STX6: variants seen among roughly 807,000 people sequenced by gnomAD.
The protein encoded by STX6 is syntaxin-6.
A neutral mutation model predicts 38.0 loss-of-function variants in STX6; 23 were observed. The observed-to-expected ratio is 0.60, with a 90% CI of 0.43 to 0.86. The LOEUF (loss-of-function observed/expected upper bound fraction) is 0.86. Ranked by LOEUF, STX6 falls within the 40% of genes least tolerant of loss-of-function variation. The pLI, the probability that STX6 is intolerant of heterozygous loss-of-function variation, is 0.00. For synonymous variants in STX6, 123 were observed against 107.5 expected (o/e 1.14, Z -0.89); for missense variants, 274 against 312.9 (o/e 0.88, Z 0.94).
intron 1 of STX6, among the ~76,000 whole-genome samples, chr1:181,014,493 T>A (rs1360248194): frequency 6.6e-6 from 1 of 152,240 alleles, no homozygotes; most frequent in Non-Finnish European, 1.5e-5. Context: ...ACAACTCTTT[T>A]ATCTGGGACA....
intron 6 of STX6, chr1:180,987,996 T>C (rs1198263310): frequency 4.4e-5 from 16 of 367,084 alleles, no homozygotes; most frequent in Non-Finnish European, 8.1e-5. Context: ...CTCAGAGACA[T>C]CTGTGTCTGT....
In STX6 at chr1:180,974,731, T is replaced by G. The variant is rs952281304; in HGVS notation, c.*1839A>C. ...ATCCCCTTTCTTAGTTTATAGAAGA[T>G]TCAAACTTTGTAAAACATAAATAAC... On this transcript the variant is annotated 3_prime_UTR_variant, in exon 8 of 8. Coordinates refer to ENST00000258301, the MANE Select transcript of STX6 (RefSeq NM_005819.6). 4.9e-4 allele frequency: 75 copies of G among 152,654 alleles called. 1 individual carries two copies. Among genetic ancestry groups the G allele is most frequent in the Admixed American group, 3.9e-4 (6 of 15,284 alleles). The allele number at this position is 152,654 out of a possible 1,614,324, so 9.5% of individuals were successfully genotyped here. A position where few individuals can be genotyped will look rare whatever the true frequency, so the allele number is the denominator to read the frequency against.
intron 1 of STX6, among the ~76,000 whole-genome samples, chr1:181,007,582 T>C (rs1389229620): frequency 1.3e-5 from 2 of 152,212 alleles, no homozygotes; most frequent in Non-Finnish European, 2.9e-5. Context: ...TCTTGAGAAC[T>C]AGAAGCCTCA....
At chr1:181,010,622 G>C (rs913033963) in intron 1 of STX6, among the ~76,000 whole-genome samples, 1 of 152,142 alleles carries the variant, frequency 6.6e-6, no homozygotes, top group African/African-American at 2.4e-5. Context: ...TATTCTTAGG[G>C]GAATATGACT....
intron 1 of STX6, among the ~76,000 whole-genome samples, chr1:181,021,366 C>G (rs143831243): frequency 3.3e-5 from 5 of 152,216 alleles, no homozygotes; most frequent in African/African-American, 1.2e-4. Context: ...TCAGCATTTT[C>G]CCATCTAAAT....
At chr1:181,018,526 C>T (rs902931579) in intron 1 of STX6, among the ~76,000 whole-genome samples, 4 of 150,348 alleles carry the variant, frequency 2.7e-5, no homozygotes, top group South Asian at 2.1e-4. Flanking sequence ...GGCCCTTCTA[C>T]GTACAAGCTT....
chr1:180,979,233 C>A (rs530013087), intron 7 of STX6, among the ~76,000 whole-genome samples: 1 of 151,660 alleles, frequency 6.6e-6, no homozygotes, highest in African/African-American at 2.4e-5. Flanking sequence ...CAACAGAAAC[C>A]TGAAAAAAGA....
At chr1:181,008,399 G>GAAAATCC (rs1392679741) in intron 1 of STX6, among the ~76,000 whole-genome samples, 2 of 152,148 alleles carry the variant, frequency 1.3e-5, no homozygotes, top group African/African-American at 4.8e-5. Context: ...ACCCCAATCT[G>GAAAATCC]AAAATCCAAA....
chr1:180,999,573 A>G (rs1020999604), intron 3 of STX6, among the ~76,000 whole-genome samples: 43 of 152,280 alleles, frequency 2.8e-4, no homozygotes, highest in African/African-American at 1.0e-3. Flanking sequence ...ACAAAACTCT[A>G]AACAAGGAAA....
At chr1:180,981,767 AC>A (rs1399599783) in intron 7 of STX6, among the ~76,000 whole-genome samples, 1 of 152,194 alleles carries the variant, frequency 6.6e-6, no homozygotes, top group Non-Finnish European at 1.5e-5. Flanking sequence ...GGGAGCTGTT[AC>A]CCCAGCAGAC....
intron 1 of STX6, among the ~76,000 whole-genome samples, chr1:181,017,822 A>G (rs997133349): frequency 3.9e-5 from 6 of 152,104 alleles, no homozygotes; most frequent in Admixed American, 3.9e-4. Flanking sequence ...GGCAAGGGGG[A>G]ATATTCTGGA....
chr1:180,995,048 C>T (rs1020537256), intron 3 of STX6, among the ~76,000 whole-genome samples: 2 of 151,802 alleles, frequency 1.3e-5, no homozygotes, highest in African/African-American at 4.8e-5. Context: ...CTGCAACCTC[C>T]GCCTCCTGGG....
chr1:181,008,709 TA>T, intron 1 of STX6, among the ~76,000 whole-genome samples: 1 of 145,722 alleles, frequency 6.9e-6, no homozygotes, highest in East Asian at 2.1e-4. Flanking sequence ...TAGTAGTTGA[TA>T]TAAGCTTTCC....
Position 180,997,556 on chromosome 1 carries a change from TA to T in STX6, c.301-4132del, listed in dbSNP as rs1384886379. 6.3e-4 allele frequency among the ~76,000 whole-genome samples: 96 copies of T among 152,206 alleles called. 3 individuals carry two copies. The highest frequency in any genetic ancestry group is 4.3e-4 in the Non-Finnish European group (29 of 68,026). On this transcript the variant is annotated intron_variant, in intron 3 of 7. Coordinates refer to ENST00000258301, the MANE Select transcript of STX6 (RefSeq NM_005819.6). ...TGCCAGATTTATTACAAAAACAGTT[TA>T]AAAAATTTAAATCTCTCATTAATAT...
chr1:180,990,078 C>T lies in STX6; in HGVS notation c.395G>A (p.Trp132Ter), dbSNP rs1302022477. The T allele has an allele frequency of 6.2e-7, 1 of 1,614,150 alleles. No individual in the cohort carries two copies. The highest frequency in any genetic ancestry group is 8.5e-7 in the Non-Finnish European group (1 of 1,180,016). Residue 132 changes from tryptophan to a stop codon, truncating the protein, a stop_gained, in exon 5 of 8, where the codon TGG (tryptophan) becomes TAG (stop). Coordinates refer to ENST00000258301, the MANE Select transcript of STX6 (RefSeq NM_005819.6). LOFTEE classifies it high-confidence loss of function. ...ALLGDSGSQNWSTGTTDKYGR... is the reference protein window; with the variant it reads ...ALLGDSGSQN ...ATATTTATCTGTTGTTCCAGTGCTC[C>T]AGTTCTGGCTGCCACTGTCTCCCAG...
chr1:181,001,104 T>C (rs192013571), intron 3 of STX6, among the ~76,000 whole-genome samples: 18 of 152,308 alleles, frequency 1.2e-4, no homozygotes, highest in African/African-American at 1.9e-4. Flanking sequence ...TATATGTATA[T>C]AGAAAGGCAA....
At chr1:181,021,655 T>C (rs1656729444) in intron 1 of STX6, among the ~76,000 whole-genome samples, 1 of 152,200 alleles carries the variant, frequency 6.6e-6, no homozygotes. Context: ...CTGACAAGTT[T>C]CTAATAAGAA....
At chr1:180,992,651 A>G (rs1158145858) in intron 4 of STX6, among the ~76,000 whole-genome samples, 1 of 152,202 alleles carries the variant, frequency 6.6e-6, no homozygotes, top group Non-Finnish European at 1.5e-5. Context: ...CTATCCCACC[A>G]AAAAAAGTCT....
At chr1:180,995,729 A>G (rs1236986049) in intron 3 of STX6, among the ~76,000 whole-genome samples, 1 of 152,260 alleles carries the variant, frequency 6.6e-6, no homozygotes, top group East Asian at 1.9e-4. Flanking sequence ...AGTGCATTTT[A>G]TAATAGTGTT....
Sources: gnomAD v4.1 joint callset for allele counts (sites outside exome capture counted in the v4.1 genomes callset) on GRCh38, gnomAD v4.1.1 for gene constraint, MANE v1.5 for transcripts, NCBI Gene and HGNC (gene_info 2026-07-23, HGNC 2026-07-21) for gene names.